The following TMEM74 variants were observed in gnomAD, a reference collection of about 807,000 sequenced individuals.
TMEM74 encodes the protein transmembrane protein 74.
TMEM74 carries 13 observed loss-of-function variants against 18.1 expected under a neutral mutation model. The ratio of observed to expected loss-of-function variants is 0.72; its 90% CI spans 0.47 to 1.14. The LOEUF (loss-of-function observed/expected upper bound fraction) is 1.14, where lower values mean the gene tolerates loss of function less well. Among genes scored for constraint, TMEM74 ranks in the 50% most tolerant of loss-of-function variants. TMEM74 has a pLI of 0.00. For missense variants in TMEM74, 372 were observed against 375.9 expected (o/e 0.99, Z 0.09); for synonymous variants, 159 against 146.6 (o/e 1.08, Z -0.61).
intron 1 of TMEM74, among the ~76,000 whole-genome samples, chr8:108,753,400 G>A (rs546836493): frequency 1.8e-4 from 28 of 152,046 alleles, no homozygotes; most frequent in South Asian, 4.2e-4. Context: ...ATGATATGTC[G>A]TGGTGTTGAG....
chr8:108,619,002 G>A (rs1439281224), intron 2 of TMEM74, among the ~76,000 whole-genome samples: 6 of 151,954 alleles, frequency 3.9e-5, no homozygotes, highest in Non-Finnish European at 5.9e-5. Context: ...CTCTAAGAAG[G>A]AGAATTATTA....
At chr8:108,728,220 A>G (rs1813660488) in intron 1 of TMEM74, among the ~76,000 whole-genome samples, 1 of 152,190 alleles carries the variant, frequency 6.6e-6, no homozygotes, top group South Asian at 2.1e-4. Flanking sequence ...TTAAAGTGGA[A>G]TAAATAGCAT....
chr8:108,616,775 A>G (rs1812388069), intron 2 of TMEM74, among the ~76,000 whole-genome samples: 3 of 152,068 alleles, frequency 2.0e-5, no homozygotes, highest in African/African-American at 7.2e-5. Context: ...AGTTGATTTA[A>G]GTTTCACATA....
Position 108,783,981 on chromosome 8 carries a change from T to C in TMEM74, c.*200A>G. The C allele has an allele frequency of 2.2e-6, 1 of 449,316 alleles. No homozygotes were observed. Among genetic ancestry groups the C allele is most frequent in the Non-Finnish European group, 3.9e-6 (1 of 256,774 alleles). 27.8% of individuals were successfully genotyped at this position (449,316 alleles called of 1,614,324 possible). On this transcript the variant is annotated 3_prime_UTR_variant, in exon 2 of 2. Coordinates refer to ENST00000297459, the MANE Select transcript of TMEM74 (RefSeq NM_153015.3). ...AGCTCTTCAGAAGGATAGGTGTGGC[T>C]GGTTGTGGTTTCTTATACATCTTAC...
At chr8:108,745,898 G>A (rs1813844172) in intron 1 of TMEM74, among the ~76,000 whole-genome samples, 1 of 152,084 alleles carries the variant, frequency 6.6e-6, no homozygotes, top group South Asian at 2.1e-4. Flanking sequence ...ATCTTGTTGT[G>A]TTCTGATCTA....
intron 2 of TMEM74, among the ~76,000 whole-genome samples, chr8:108,649,448 TGCTCTG>T (rs1216570724): frequency 6.6e-6 from 1 of 152,176 alleles, no homozygotes; most frequent in African/African-American, 2.4e-5. Flanking sequence ...TTGTTTGTGA[TGCTCTG>T]GAAAACTTAT....
chr8:108,651,696 T>A (rs1351462954), intron 2 of TMEM74, among the ~76,000 whole-genome samples: 1 of 152,018 alleles, frequency 6.6e-6, no homozygotes, highest in Admixed American at 6.6e-5. Flanking sequence ...ACTGTCAGCT[T>A]ATCTTCCTGG....
intron 1 of TMEM74, among the ~76,000 whole-genome samples, chr8:108,717,650 T>A (rs1813538869): frequency 6.6e-6 from 1 of 152,100 alleles, no homozygotes; most frequent in Non-Finnish European, 1.5e-5. Context: ...GTGGCTTTAC[T>A]GGAGAGATGC....
At position 108,675,396 on chromosome 8, in the gene TMEM74, G is replaced by C. The variant is rs1237550422; in HGVS notation, n.120-19959C>G. Among the ~76,000 whole-genome samples the C allele has an allele frequency of 2.0e-5, 3 of 152,330 alleles. No individual in the cohort carries two copies. The South Asian group carries it at 6.2e-4, about 32-fold the overall frequency. ...GAAGCCCTCTTTCTTGTCTACTGAA[G>C]TTGGAGTACTGGCCTTGATCAGCTG... is the stretch of plus-strand genomic sequence containing the variant. On this transcript the variant is annotated intron_variant and non_coding_transcript_variant, in intron 1 of 3. Coordinates refer to the TMEM74 transcript ENST00000518838.
chr8:108,720,831 C>A (rs1156308700), intron 1 of TMEM74, among the ~76,000 whole-genome samples: 1 of 152,056 alleles, frequency 6.6e-6, no homozygotes, highest in Admixed American at 6.6e-5. Context: ...TGCAATGACA[C>A]GATCTCTGCT....
chr8:108,668,863 C>T (rs1198681749), intron 1 of TMEM74, among the ~76,000 whole-genome samples: 1 of 151,970 alleles, frequency 6.6e-6, no homozygotes, highest in Non-Finnish European at 1.5e-5. Flanking sequence ...TCCTCCAGAA[C>T]TTTGTGTTTC....
Position 108,784,664 on chromosome 8 carries a change from A to T in TMEM74, c.435T>A (p.Asn145Lys). Reference protein sequence around the residue: ...HPGELGWENPNEWSQEAAISL... With the variant: ...HPGELGWENPKEWSQEAAISL... ...ATATGGCAGCCTCTTGGGACCACTC[A>T]TTTGGATTTTCCCAGCCAAGCTCCC... Residue 145 changes from asparagine (N) to lysine (K), a missense_variant, in exon 2 of 2, where the codon AAT becomes AAA. Transcript: ENST00000297459. 4 of 1,614,060 alleles carry T rather than the reference A, an allele frequency of 2.5e-6. No individual in the cohort carries two copies. The highest frequency in any genetic ancestry group is 3.4e-6 in the Non-Finnish European group (4 of 1,179,984).
At chr8:108,706,807 G>GTGTA (rs1381440862) in intron 1 of TMEM74, among the ~76,000 whole-genome samples, 1 of 151,696 alleles carries the variant, frequency 6.6e-6, no homozygotes, top group Non-Finnish European at 1.5e-5. Flanking sequence ...GTGTGTGTGT[G>GTGTA]TGTATGCAAG....
intron 1 of TMEM74, among the ~76,000 whole-genome samples, chr8:108,750,484 G>C (rs1014611675): frequency 6.6e-6 from 1 of 152,080 alleles, no homozygotes; most frequent in East Asian, 1.9e-4. Context: ...GGAATGTTGG[G>C]TGATGGTTTG....
intron 1 of TMEM74, among the ~76,000 whole-genome samples, chr8:108,756,546 A>AG (rs1476059150): frequency 8.7e-6 from 1 of 114,558 alleles, no homozygotes; most frequent in Non-Finnish European, 1.7e-5. Context: ...ACCACTGTAA[A>AG]GAAAAGAAAG....
chr8:108,732,362 T>C (rs1182325302), intron 1 of TMEM74, among the ~76,000 whole-genome samples: 3 of 152,158 alleles, frequency 2.0e-5, no homozygotes, highest in Non-Finnish European at 4.4e-5. Context: ...TTCAATATAA[T>C]CAAATTCTCT....
intron 1 of TMEM74, among the ~76,000 whole-genome samples, chr8:108,756,548 A>AAAAG (rs57444896): frequency 0.087 from 3,902 of 44,786 alleles, 360 homozygotes; most frequent in Middle Eastern, 0.17. Flanking sequence ...CACTGTAAAG[A>AAAAG]AAAGAAAGAA....
intron 1 of TMEM74, among the ~76,000 whole-genome samples, chr8:108,769,753 T>G (rs1586291860): frequency 6.6e-6 from 1 of 152,092 alleles, no homozygotes; most frequent in Non-Finnish European, 1.5e-5. Context: ...AGGAGCAATA[T>G]ATATATTTTT....
intron 1 of TMEM74, among the ~76,000 whole-genome samples, chr8:108,720,392 A>G (rs141181994): frequency 5.1e-4 from 78 of 152,362 alleles, no homozygotes; most frequent in Non-Finnish European, 7.9e-4. Flanking sequence ...ATAATAGTCT[A>G]CAATCAATTC....
Sources: gnomAD v4.1 joint callset for allele counts (sites outside exome capture counted in the v4.1 genomes callset) on GRCh38, gnomAD v4.1.1 for gene constraint, MANE v1.5 for transcripts, NCBI Gene and HGNC (gene_info 2026-07-23, HGNC 2026-07-21) for gene names.